The following VPS39 variants were observed in gnomAD, a reference collection of about 807,000 sequenced individuals.
VPS39 encodes VPS39 subunit of HOPS complex.
VPS39 carries 70 observed loss-of-function variants against 121.0 expected under a neutral mutation model. That is an observed-to-expected ratio of 0.58 (90% confidence interval 0.48 to 0.71). The LOEUF (loss-of-function observed/expected upper bound fraction) is 0.71. VPS39 is among the 30% of genes least tolerant of loss of function. The pLI is 0.00. For missense variants in VPS39, 818 were observed against 1,051.5 expected (o/e 0.78, Z 3.07); for synonymous variants, 378 against 398.1 (o/e 0.95, Z 0.60).
chr15:42,177,599 T>C (rs2049481828), intron 10 of VPS39, among the ~76,000 whole-genome samples: 1 of 152,234 alleles, frequency 6.6e-6, no homozygotes, highest in Non-Finnish European at 1.5e-5. Context: ...TACTAAACTT[T>C]AATGTCTCCA....
intron 2 of VPS39, among the ~76,000 whole-genome samples, chr15:42,196,727 G>A (rs1165413419): frequency 2.6e-5 from 4 of 152,182 alleles, no homozygotes; most frequent in African/African-American, 9.7e-5. Flanking sequence ...CTGTTGGTGG[G>A]ACTGTAAACT....
chr15:42,161,076 C>T (rs1369548831), intron 24 of VPS39: 1 of 493,268 alleles, frequency 2.0e-6, no homozygotes, highest in African/African-American at 1.9e-5. Flanking sequence ...TTATGCAAAA[C>T]ACAAGGCATA....
intron 1 of VPS39, among the ~76,000 whole-genome samples, chr15:42,202,928 T>C (rs1224522738): frequency 6.6e-6 from 1 of 152,226 alleles, no homozygotes; most frequent in Non-Finnish European, 1.5e-5. Context: ...TACCAAAATA[T>C]GAAGTCAAAT....
At chr15:42,165,648 C>G (rs1399986244) in intron 17 of VPS39, 70 bp downstream of exon 17, 2 of 1,274,326 alleles carry the variant, frequency 1.6e-6, no homozygotes, top group African/African-American at 1.5e-5. Flanking sequence ...CTGAACAGCC[C>G]GATAACAGAA....
Position 42,191,480 on chromosome 15 carries a change from T to C in VPS39, c.204+16A>G, listed in dbSNP as rs748342625. The C allele has an allele frequency of 2.5e-6, 4 of 1,612,284 alleles. No individual in the cohort carries two copies. The highest frequency in any genetic ancestry group is 4.5e-5 in the East Asian group (2 of 44,866). On this transcript the variant is annotated intron_variant, in intron 3 of 24. Transcript: ENST00000318006. The stretch of plus-strand genomic sequence containing the variant: ...GTAAGTCAAATATTCTTGTAAGGAC[T>C]GCCATCACTGCTTACCTGCTGAATC...
intron 20 of VPS39, 97 bp downstream of exon 20, chr15:42,163,529 C>A: frequency 6.6e-7 from 1 of 1,520,450 alleles, no homozygotes; most frequent in East Asian, 2.3e-5. Flanking sequence ...TTCTTGCTCC[C>A]GCAGTGGAGT....
chr15:42,167,564 G>A (rs2049270130), intron 12 of VPS39, 27 bp from the exon 13 acceptor site: 1 of 1,611,886 alleles, frequency 6.2e-7, no homozygotes, highest in Non-Finnish European at 8.5e-7. Context: ...GTGGGGTTAA[G>A]GCCAGGACTA....
At position 42,199,981 on chromosome 15, in the gene VPS39, C is replaced by CAA. The variant is rs372749604; in HGVS notation, c.74-22_74-21dup. ...ATTCCTCTGGAAAAACAAAACAAAA[C>CAA]AAAAACAAAAACAAAAAAAAACCAG... is the stretch of plus-strand genomic sequence containing the variant. On this transcript the variant is annotated intron_variant, in intron 1 of 24. Coordinates refer to ENST00000318006, the MANE Select transcript of VPS39 (RefSeq NM_015289.5). 6.9e-4 allele frequency: 1,024 copies of CAA among 1,475,194 alleles called. 3 individuals carry two copies. In the African/African-American group the frequency reaches 0.011, roughly 15 times the overall value. The allele number at this position is 1,475,194 out of a possible 1,614,324, so 91.4% of individuals were successfully genotyped here.
intron 13 of VPS39, 110 bp downstream of exon 13, chr15:42,167,284 G>T: frequency 7.2e-7 from 1 of 1,393,258 alleles, no homozygotes; most frequent in African/African-American, 1.4e-5. Context: ...CAGAATCAAA[G>T]ACTTCACTCT....
At chr15:42,204,084 C>T (rs2050120151) in intron 1 of VPS39, among the ~76,000 whole-genome samples, 1 of 152,242 alleles carries the variant, frequency 6.6e-6, no homozygotes, top group Admixed American at 6.5e-5. Context: ...GGAGCTCCTT[C>T]CAACAGTGCA....
At chr15:42,186,411 C>T (rs1162644077) in intron 7 of VPS39, among the ~76,000 whole-genome samples, 3 of 152,018 alleles carry the variant, frequency 2.0e-5, no homozygotes, top group Admixed American at 6.6e-5. Flanking sequence ...ACTGCACTCC[C>T]GCCTGGGTGA....
At chr15:42,180,403 C>G (rs1445955963) in intron 8 of VPS39, among the ~76,000 whole-genome samples, 1 of 151,968 alleles carries the variant, frequency 6.6e-6, no homozygotes, top group Non-Finnish European at 1.5e-5. Flanking sequence ...TTAATATATC[C>G]ACTATATTTT....
intron 19 of VPS39, 119 bp from the exon 20 acceptor site, chr15:42,163,847 T>G (rs2049189270): frequency 2.9e-6 from 2 of 689,582 alleles, no homozygotes; most frequent in Non-Finnish European, 2.4e-6. Flanking sequence ...GGATTCTTAT[T>G]GCTTGGGTTT....
intron 1 of VPS39, among the ~76,000 whole-genome samples, chr15:42,202,365 A>AT (rs2050085628): frequency 6.6e-6 from 1 of 152,206 alleles, no homozygotes; most frequent in African/African-American, 2.4e-5. Context: ...AGCAGCTCTA[A>AT]TGAAGGCTGG....
chr15:42,186,147 A>G lies in VPS39; in HGVS notation c.534+1124T>C, dbSNP rs568291889. Among the ~76,000 whole-genome samples the G allele has an allele frequency of 2.8e-4, 42 of 152,214 alleles. No homozygotes were observed. In the South Asian group the frequency reaches 8.7e-3, roughly 32 times the overall value. On this transcript the variant is annotated intron_variant, in intron 7 of 24. Transcript: ENST00000318006. ...AAGATGGAACAAATATATTAACAAG[A>G]TAACAATGGGGCCAGGCATGGTGGC...
chr15:42,169,939 T>C, intron 11 of VPS39, 73 bp from the exon 12 acceptor site: 6 of 1,453,020 alleles, frequency 4.1e-6, no homozygotes, highest in Non-Finnish European at 5.5e-6. Context: ...ACAGGACTAT[T>C]ACTATAGCAA....
At chr15:42,164,568 G>T in intron 18 of VPS39, 82 bp from the exon 19 acceptor site, 1 of 1,552,314 alleles carries the variant, frequency 6.4e-7, no homozygotes, top group Non-Finnish European at 8.7e-7. Context: ...AGGGAATGGG[G>T]TTCAAGGATG....
At chr15:42,167,678 A>G in intron 12 of VPS39, 141 bp from the exon 13 acceptor site, 1 of 1,041,542 alleles carries the variant, frequency 9.6e-7, no homozygotes, top group Non-Finnish European at 1.4e-6. Flanking sequence ...TAGCACTGCC[A>G]AATTGCCACA....
chr15:42,181,851 T>C (rs1447861123), intron 8 of VPS39, among the ~76,000 whole-genome samples: 1 of 152,066 alleles, frequency 6.6e-6, no homozygotes, highest in African/African-American at 2.4e-5. Context: ...TGGGAATATA[T>C]GCGTACAGCA....
Sources: gnomAD v4.1 joint callset for allele counts (sites outside exome capture counted in the v4.1 genomes callset) on GRCh38, gnomAD v4.1.1 for gene constraint, MANE v1.5 for transcripts, NCBI Gene and HGNC (gene_info 2026-07-23, HGNC 2026-07-21) for gene names.